The following COL21A1 variants were observed in gnomAD, a reference collection of about 807,000 sequenced individuals.
COL21A1 encodes the protein collagen alpha-1(XXI) chain.
COL21A1 carries 149 observed loss-of-function variants against 137.9 expected under a neutral mutation model. The ratio of observed to expected loss-of-function variants is 1.08; its 90% CI spans 0.95 to 1.24. The LOEUF is 1.24. Among genes scored for constraint, COL21A1 ranks in the 50% most tolerant of loss-of-function variants. The pLI, the probability that COL21A1 is intolerant of heterozygous loss-of-function variation, is 0.00. For synonymous variants in COL21A1, 456 were observed against 391.5 expected (o/e 1.16, Z -1.95); for missense variants, 1,167 against 1,158.4 (o/e 1.01, Z -0.11).
intron 1 of COL21A1, among the ~76,000 whole-genome samples, chr6:56,214,627 C>A (rs1224173287): frequency 6.6e-6 from 1 of 151,738 alleles, no homozygotes; most frequent in Non-Finnish European, 1.5e-5. Flanking sequence ...AACATTCTAC[C>A]CTAAACAGTC....
intron 1 of COL21A1, among the ~76,000 whole-genome samples, chr6:56,357,389 T>G (rs1310641876): frequency 3.3e-5 from 5 of 152,186 alleles, no homozygotes; most frequent in Admixed American, 6.5e-5. Flanking sequence ...TCATCGCCTG[T>G]CCATGCACAA....
chr6:56,294,573 T>TA (rs1278342763), intron 1 of COL21A1, among the ~76,000 whole-genome samples: 1 of 152,086 alleles, frequency 6.6e-6, no homozygotes, highest in Non-Finnish European at 1.5e-5. Context: ...GCACTACTGA[T>TA]ACGGCAATAC....
intron 1 of COL21A1, among the ~76,000 whole-genome samples, chr6:56,313,754 C>T (rs1764665149): frequency 6.6e-6 from 1 of 151,980 alleles, no homozygotes; most frequent in African/African-American, 2.4e-5. Context: ...CAACATACAA[C>T]CATTAGGAAA....
chr6:56,325,932 AATATATATTATATATT>A (rs1765069243), intron 1 of COL21A1, among the ~76,000 whole-genome samples: 1 of 56,432 alleles, frequency 1.8e-5, no homozygotes, highest in South Asian at 7.3e-4. Flanking sequence ...TAATATATAT[AATATATATTATATATT>A]ATATAATATA....
chr6:56,364,950 T>C (rs781199113), intron 1 of COL21A1, among the ~76,000 whole-genome samples: 2 of 152,140 alleles, frequency 1.3e-5, no homozygotes, highest in Non-Finnish European at 2.9e-5. Context: ...GAATACTCTA[T>C]GAACTCTGTG....
At chr6:56,292,692 G>C (rs1189755589) in intron 1 of COL21A1, among the ~76,000 whole-genome samples, 1 of 152,066 alleles carries the variant, frequency 6.6e-6, no homozygotes, top group Non-Finnish European at 1.5e-5. Flanking sequence ...ACCTTCTTAG[G>C]GGCATCAGCA....
chr6:56,391,432 T>C (rs2094029473), intron 1 of COL21A1, among the ~76,000 whole-genome samples: 1 of 151,494 alleles, frequency 6.6e-6, no homozygotes, highest in African/African-American at 2.4e-5. Flanking sequence ...GAAGAAATAA[T>C]AAAGGTCAGA....
chr6:56,343,403 A>G (rs1357920257), intron 1 of COL21A1, among the ~76,000 whole-genome samples: 1 of 152,172 alleles, frequency 6.6e-6, no homozygotes, highest in African/African-American at 2.4e-5. Context: ...CTGCAATAAT[A>G]ATTATTGCCA....
intron 1 of COL21A1, among the ~76,000 whole-genome samples, chr6:56,316,477 CTTTT>C (rs60388494): frequency 1.3e-5 from 1 of 75,786 alleles, no homozygotes; most frequent in Non-Finnish European, 2.3e-5. Flanking sequence ...TCTAAATAGA[CTTTT>C]TTTTTTTTTT....
At chr6:56,384,205 C>T (rs960469759) in intron 1 of COL21A1, among the ~76,000 whole-genome samples, 1 of 152,134 alleles carries the variant, frequency 6.6e-6, no homozygotes, top group African/African-American at 2.4e-5. Context: ...CTTCCTTGAA[C>T]AGGCATTTAT....
chr6:56,272,646 T>C (rs1763556450), intron 1 of COL21A1, among the ~76,000 whole-genome samples: 1 of 152,046 alleles, frequency 6.6e-6, no homozygotes, highest in Non-Finnish European at 1.5e-5. Context: ...GTAATCCCCA[T>C]GTGTTGAGGG....
At chr6:56,376,080 C>T (rs1351255340) in intron 1 of COL21A1, among the ~76,000 whole-genome samples, 1 of 152,162 alleles carries the variant, frequency 6.6e-6, no homozygotes, top group Non-Finnish European at 1.5e-5. Context: ...GGAAGACTCG[C>T]TTCTGACAAG....
At chr6:56,259,392 T>C (rs9464368) in intron 1 of COL21A1, among the ~76,000 whole-genome samples, 60,232 of 152,152 alleles carry the variant, frequency 0.4, 13,451 homozygotes, top group African/African-American at 0.59. Flanking sequence ...GCTATCATTC[T>C]AGTACATTCC....
Position 56,141,800 on chromosome 6 carries a change from C to T in COL21A1, c.1527G>A (p.Gly509=). 1 of 1,613,660 alleles carries T rather than the reference C, an allele frequency of 6.2e-7. No individual in the cohort carries two copies. Among genetic ancestry groups the T allele is most frequent in the East Asian group, 2.2e-5 (1 of 44,862 alleles). ...RGLPGYKGEP[G]RDGDKGDRGL... is the part of the protein sequence containing the mutation. ...GTGTGTTTACCTTGTCACCATCTCG[C>T]CCTGGTTCTCCTTTGTAACCTGGTA... is the stretch of plus-strand genomic sequence containing the variant. The change falls in exon 12 of 30, where the codon GGG becomes GGA. Residue 509 remains glycine (G), a synonymous_variant. Transcript: ENST00000244728.
intron 22 of COL21A1, among the ~76,000 whole-genome samples, chr6:56,068,615 G>A (rs752426083): frequency 5.3e-5 from 8 of 151,278 alleles, no homozygotes; most frequent in Non-Finnish European, 8.9e-5. Flanking sequence ...TCATAGATAG[G>A]AACTTCATGG....
At chr6:56,218,551 T>C (rs1333740178) in intron 1 of COL21A1, among the ~76,000 whole-genome samples, 1 of 152,124 alleles carries the variant, frequency 6.6e-6, no homozygotes, top group African/African-American at 2.4e-5. Flanking sequence ...TTGGAATACA[T>C]TCTTAAATAA....
At chr6:56,315,888 G>T (rs181895377) in intron 1 of COL21A1, among the ~76,000 whole-genome samples, 3 of 152,314 alleles carry the variant, frequency 2.0e-5, no homozygotes, top group African/African-American at 7.2e-5. Flanking sequence ...AGATAAGTAT[G>T]TGAAGTGATA....
intron 1 of COL21A1, among the ~76,000 whole-genome samples, chr6:56,359,475 T>C (rs1175478927): frequency 6.6e-6 from 1 of 152,194 alleles, no homozygotes. Flanking sequence ...AATCAGATCA[T>C]GGAAGTAGGT....
intron 1 of COL21A1, among the ~76,000 whole-genome samples, chr6:56,236,277 A>C (rs560658092): frequency 1.4e-4 from 22 of 152,152 alleles, no homozygotes; most frequent in African/African-American, 5.3e-4. Flanking sequence ...CCCAGAGTAC[A>C]CAACTAGGTC....
Sources: allele counts gnomAD v4.1 joint callset (sites outside exome capture counted in the v4.1 genomes callset), GRCh38; gene constraint gnomAD v4.1.1; transcripts MANE v1.5; gene names NCBI Gene and HGNC (gene_info 2026-07-23, HGNC 2026-07-21).